CEP63: variants seen among roughly 807,000 people sequenced by gnomAD.
The protein encoded by CEP63 is centrosomal protein 63.
A neutral mutation model predicts 89.1 loss-of-function variants in CEP63; 84 were observed. The observed-to-expected ratio is 0.94, with a 90% CI of 0.79 to 1.13. The LOEUF is 1.13. CEP63 is among the 50% of genes most tolerant of loss of function. CEP63 has a pLI of 0.00. For missense variants in CEP63, 838 were observed against 813.3 expected, an observed-to-expected ratio of 1.03 and a Z score of -0.37; for synonymous variants, 267 against 272.5, an observed-to-expected ratio of 0.98 and a Z score of 0.20.
the CEP63 span, among the ~76,000 whole-genome samples, chr3:134,723,232 C>T: frequency 1.3e-5 from 2 of 152,158 alleles, no homozygotes; most frequent in Admixed American, 1.3e-4. Context: ...TATGTTTCAC[C>T]CTTGACTTTG....
At chr3:134,711,338 G>A in the CEP63 span, among the ~76,000 whole-genome samples, 1 of 152,062 alleles carries the variant, frequency 6.6e-6, no homozygotes, top group Non-Finnish European at 1.5e-5. Context: ...TCCTAATGTG[G>A]CAGGCAATCT....
chr3:134,733,254 A>G, the CEP63 span, among the ~76,000 whole-genome samples: 1 of 152,184 alleles, frequency 6.6e-6, no homozygotes, highest in Non-Finnish European at 1.5e-5. Context: ...TGATGGAACC[A>G]TGAACAATCC....
At chr3:134,750,248 G>A in the CEP63 span, among the ~76,000 whole-genome samples, 4 of 152,278 alleles carry the variant, frequency 2.6e-5, no homozygotes, top group South Asian at 2.1e-4. Flanking sequence ...GCTGGGAAGG[G>A]CCCCTGGCTG....
At chr3:134,776,733 A>G in the CEP63 span, among the ~76,000 whole-genome samples, 1 of 152,170 alleles carries the variant, frequency 6.6e-6, no homozygotes, top group Non-Finnish European at 1.5e-5. Context: ...GGTCCTGTCC[A>G]ATGGGTATTC....
At chr3:134,756,384 C>T in the CEP63 span, among the ~76,000 whole-genome samples, 1 of 152,182 alleles carries the variant, frequency 6.6e-6, no homozygotes, top group South Asian at 2.1e-4. Flanking sequence ...CACTCTGTTG[C>T]CCAGGCAGGA....
intron 3 of CEP63, 66 bp downstream of exon 3, chr3:134,507,352 TTAAG>T (rs2108426665): frequency 4.0e-6 from 5 of 1,249,142 alleles, no homozygotes; most frequent in Admixed American, 2.0e-5. Context: ...AATGTGTTTC[TTAAG>T]TATTTGTTGA....
chr3:134,565,576 T>G (rs927299814), downstream of CEP63, among the ~76,000 whole-genome samples: 6 of 152,106 alleles, frequency 3.9e-5, no homozygotes, highest in African/African-American at 1.4e-4. Flanking sequence ...CCAAAACAGT[T>G]TGAAATAGTA....
the CEP63 span, among the ~76,000 whole-genome samples, chr3:134,739,469 C>T: frequency 1.3e-5 from 2 of 152,130 alleles, no homozygotes; most frequent in Admixed American, 1.3e-4. Context: ...GAAATGTTCG[C>T]AGTAGCATAC....
the CEP63 span, among the ~76,000 whole-genome samples, chr3:134,673,306 C>T: frequency 6.6e-6 from 1 of 152,136 alleles, no homozygotes; most frequent in Non-Finnish European, 1.5e-5. Flanking sequence ...GACGTCCCCC[C>T]TCCAACTGTC....
chr3:134,560,550 A>G (rs920816034), intron 14 of CEP63, among the ~76,000 whole-genome samples: 3 of 152,212 alleles, frequency 2.0e-5, no homozygotes, highest in African/African-American at 7.2e-5. Flanking sequence ...GTGTAGGGAA[A>G]GAAGCTCAGC....
At chr3:134,748,329 A>T in the CEP63 span, among the ~76,000 whole-genome samples, 1 of 152,200 alleles carries the variant, frequency 6.6e-6, no homozygotes, top group Admixed American at 6.5e-5. Context: ...GGAAGGCTCA[A>T]ACTAATATGT....
chr3:134,532,623 T>C (rs1421915990), intron 4 of CEP63, 155 bp from the exon 5 acceptor site: 5 of 572,862 alleles, frequency 8.7e-6, no homozygotes, highest in Non-Finnish European at 1.2e-5. Context: ...TTTACATATT[T>C]AATTTTTAGT....
chr3:134,769,965 G>C, the CEP63 span, among the ~76,000 whole-genome samples: 1 of 152,366 alleles, frequency 6.6e-6, no homozygotes, highest in South Asian at 2.1e-4. Flanking sequence ...TATCAGGCCA[G>C]CTCCTGTATC....
At chr3:134,624,420 C>G in the CEP63 span, among the ~76,000 whole-genome samples, 9 of 152,206 alleles carry the variant, frequency 5.9e-5, no homozygotes, top group Non-Finnish European at 1.2e-4. Flanking sequence ...TATAAGGTGG[C>G]CTTTTTAAGA....
the CEP63 span, chr3:134,619,361 C>T: frequency 1.2e-6 from 1 of 865,270 alleles, no homozygotes. Context: ...TCACCAGCCC[C>T]AGGAAACTAC....
At chr3:134,753,773 A>G in the CEP63 span, among the ~76,000 whole-genome samples, 1 of 152,182 alleles carries the variant, frequency 6.6e-6, no homozygotes. Context: ...AAGTTCAGAG[A>G]GGTGGGGTAA....
intron 3 of CEP63, among the ~76,000 whole-genome samples, chr3:134,530,936 G>C (rs140000077): frequency 1.1e-4 from 16 of 152,312 alleles, no homozygotes; most frequent in Admixed American, 9.8e-4. Context: ...ACCAGTAGAT[G>C]AAATTCTAGC....
At chr3:134,647,582 G>A in the CEP63 span, 1 of 757,154 alleles carries the variant, frequency 1.3e-6, no homozygotes, top group Non-Finnish European at 2.2e-6. Flanking sequence ...GGTTATGGTA[G>A]AGCAGGTGGA....
At chr3:134,638,895 C>T in the CEP63 span, among the ~76,000 whole-genome samples, 469 of 132,024 alleles carry the variant, frequency 3.6e-3, 2 homozygotes, top group African/African-American at 0.012. Context: ...GATCAATTAA[C>T]GAAGACTGTC....
Sources: gnomAD v4.1 joint callset for allele counts (sites outside exome capture counted in the v4.1 genomes callset) on GRCh38, gnomAD v4.1.1 for gene constraint, MANE v1.5 for transcripts, NCBI Gene and HGNC (gene_info 2026-07-23, HGNC 2026-07-21) for gene names.